The following MORN1 variants were observed in gnomAD, a reference collection of about 807,000 sequenced individuals.
MORN1 encodes the protein MORN repeat containing 1.
MORN1 carries 67 observed loss-of-function variants against 61.9 expected under a neutral mutation model. The ratio of observed to expected loss-of-function variants is 1.08; its 90% confidence interval spans 0.89 to 1.33. The LOEUF (loss-of-function observed/expected upper bound fraction) is 1.33, where lower values mean the gene tolerates loss of function less well. Among genes scored for constraint, MORN1 ranks in the 40% most tolerant of loss-of-function variants. The pLI, the probability that MORN1 is intolerant of heterozygous loss-of-function variation, is 0.00. For synonymous variants in MORN1, 301 were observed against 292.0 expected (o/e 1.03, Z -0.31); for missense variants, 752 against 691.2 (o/e 1.09, Z -0.99).
intron 8 of MORN1, among the ~76,000 whole-genome samples, chr1:2,364,610 G>A (rs561390008): frequency 2.0e-5 from 3 of 150,774 alleles, no homozygotes; most frequent in African/African-American, 7.3e-5. Context: ...ATTGCTTTCG[G>A]TGTTTTAGAC....
intron 10 of MORN1, among the ~76,000 whole-genome samples, chr1:2,345,522 C>T (rs1641493998): frequency 6.6e-6 from 1 of 152,198 alleles, no homozygotes; most frequent in South Asian, 2.1e-4. Context: ...CCAGCCGGAC[C>T]CTCAGGCCGC....
Position 2,384,967 on chromosome 1 carries a change from C to A in MORN1, c.537+11G>T. ...CCCTCTGGGCAGCAGGTGCCGCGCG[C>A]CCCCGGGTACCTTGTAGGTGGAGCC... On this transcript the variant is annotated intron_variant, in intron 6 of 13. Transcript: ENST00000378531. 6.4e-7 allele frequency: 1 copy of A among 1,550,992 alleles called. No individual in the cohort carries two copies. Among genetic ancestry groups the A allele is most frequent in the Non-Finnish European group, 8.7e-7 (1 of 1,146,864 alleles).
intron 6 of MORN1, among the ~76,000 whole-genome samples, chr1:2,380,590 C>A (rs541662811): frequency 1.4e-4 from 22 of 152,292 alleles, no homozygotes; most frequent in Admixed American, 9.8e-4. Flanking sequence ...GTCACCCAGG[C>A]TGGAGTGCAG....
At chr1:2,378,094 G>A (rs1557889921) in intron 6 of MORN1, 1 of 152,348 alleles carries the variant, frequency 6.6e-6, no homozygotes, top group Non-Finnish European at 1.5e-5. Flanking sequence ...TGGTAACAGT[G>A]AGGACCAGGG....
chr1:2,358,117 G>A (rs1641814486), intron 9 of MORN1, among the ~76,000 whole-genome samples: 2 of 152,160 alleles, frequency 1.3e-5, no homozygotes, highest in Admixed American at 1.3e-4. Flanking sequence ...TTTGCGTGTG[G>A]GTTTGTGCAC....
chr1:2,390,102 T>G, intron 1 of MORN1, 106 bp from the exon 2 acceptor site: 3 of 1,047,122 alleles, frequency 2.9e-6, no homozygotes, highest in African/African-American at 1.6e-5. Context: ...TTCAAGGGGT[T>G]GGTACACGTC....
intron 12 of MORN1, among the ~76,000 whole-genome samples, chr1:2,324,371 CTT>C (rs777193267): frequency 2.6e-5 from 4 of 152,216 alleles, no homozygotes; most frequent in African/African-American, 7.2e-5. Flanking sequence ...TGCAAATCCT[CTT>C]TGTCTAAATT....
chr1:2,341,264 C>T (rs1026460909), intron 10 of MORN1, among the ~76,000 whole-genome samples: 8 of 152,198 alleles, frequency 5.3e-5, no homozygotes, highest in African/African-American at 1.9e-4. Context: ...GCTGACCGTG[C>T]GATGGCCAGG....
At chr1:2,361,786 C>T (rs1313767406) in intron 8 of MORN1, among the ~76,000 whole-genome samples, 2 of 152,160 alleles carry the variant, frequency 1.3e-5, no homozygotes, top group African/African-American at 4.8e-5. Flanking sequence ...AATTCCGACT[C>T]CCCACAGCTT....
At chr1:2,326,967 G>A (rs558166965) in intron 12 of MORN1, among the ~76,000 whole-genome samples, 63 of 152,334 alleles carry the variant, frequency 4.1e-4, no homozygotes, top group South Asian at 2.1e-3. Flanking sequence ...ACAGACGCGC[G>A]CTGTGGACAC....
At chr1:2,385,346 G>A (rs188318968) in intron 5 of MORN1, 6 of 518,562 alleles carry the variant, frequency 1.2e-5, no homozygotes, top group African/African-American at 3.8e-5. Flanking sequence ...GAGAGGCAAC[G>A]GGAGGGGGCT....
In MORN1 at chr1:2,345,203, C is replaced by T. The variant is rs1431359358; in HGVS notation, c.1037-8353G>A. On this transcript the variant is annotated intron_variant, in intron 10 of 13. Coordinates refer to ENST00000378531, the MANE Select transcript of MORN1 (RefSeq NM_024848.3). ...GGATGGCCACATGTGCCCGCACCCT[C>T]GCACAGGCATGGGCGGTCCCCAGGC... Among the ~76,000 whole-genome samples the T allele has an allele frequency of 7.2e-5, 11 of 152,390 alleles. No homozygotes were observed. The South Asian group carries it at 1.2e-3, about 17-fold the overall frequency.
At chr1:2,325,031 G>C (rs1366899376) in intron 12 of MORN1, among the ~76,000 whole-genome samples, 1 of 150,760 alleles carries the variant, frequency 6.6e-6, no homozygotes, top group African/African-American at 2.5e-5. Context: ...CTGGCTCTGT[G>C]TGGACACCCA....
Position 2,344,266 on chromosome 1 carries a change from C to A in MORN1, c.1037-7416G>T, listed in dbSNP as rs1641462148. Among the ~76,000 whole-genome samples the A allele has an allele frequency of 2.0e-5, 3 of 152,218 alleles. No homozygotes were observed. In the South Asian group the frequency reaches 6.2e-4, roughly 32 times the overall value. Reference sequence around the variant, plus strand: ...GGCGTGGCCAGGCACAAGGGGCTGGCGGGCCTGGGAGGGATCTGCAGGGCA... The same window carrying A: ...GGCGTGGCCAGGCACAAGGGGCTGGAGGGCCTGGGAGGGATCTGCAGGGCA... On this transcript the variant is annotated intron_variant, in intron 10 of 13. Coordinates refer to ENST00000378531, the MANE Select transcript of MORN1 (RefSeq NM_024848.3).
intron 10 of MORN1, chr1:2,352,016 T>G (rs1158900653): frequency 3.7e-6 from 2 of 536,216 alleles, no homozygotes; most frequent in Admixed American, 2.4e-5. Flanking sequence ...CACCAGGAAT[T>G]AGAGGTCCAC....
chr1:2,325,140 C>CTCCCTTCCTTCCTTCCCTTCCTTCCT (rs1553205809), intron 12 of MORN1, among the ~76,000 whole-genome samples: 1 of 6,690 alleles, frequency 1.5e-4, no homozygotes, highest in African/African-American at 9.2e-4. Flanking sequence ...CCTTCCCTCC[C>CTCCCTTCCTTCCTTCCCTTCCTTCCT]TCCCTCCCTT....
chr1:2,359,727 CA>C (rs1202296888), intron 8 of MORN1, among the ~76,000 whole-genome samples: 2 of 152,008 alleles, frequency 1.3e-5, no homozygotes, highest in Non-Finnish European at 2.9e-5. Context: ...ACTAAAAATA[CA>C]AAAAGTAGTC....
chr1:2,368,205 T>A (rs1459090600), intron 8 of MORN1, among the ~76,000 whole-genome samples: 1 of 152,214 alleles, frequency 6.6e-6, no homozygotes, highest in Non-Finnish European at 1.5e-5. Flanking sequence ...GCAGAGCAGG[T>A]GAGCTCTACA....
At chr1:2,352,139 T>C in intron 10 of MORN1, 1 of 372,248 alleles carries the variant, frequency 2.7e-6, no homozygotes, top group South Asian at 3.5e-5. Flanking sequence ...GAGCTTTTTG[T>C]CCCCTGGTTC....
Sources: gnomAD v4.1 joint callset for allele counts (sites outside exome capture counted in the v4.1 genomes callset) on GRCh38, gnomAD v4.1.1 for gene constraint, MANE v1.5 for transcripts, NCBI Gene and HGNC (gene_info 2026-07-23, HGNC 2026-07-21) for gene names.